Variants in NFIB observed in about 807,000 individuals in gnomAD.
NFIB encodes nuclear factor I B.
A neutral mutation model predicts 61.5 loss-of-function variants in NFIB; 11 were observed. The observed-to-expected ratio is 0.18, with a 90% confidence interval of 0.11 to 0.30. The LOEUF (loss-of-function observed/expected upper bound fraction) is 0.30. Among genes scored for constraint, NFIB ranks in the 10% least tolerant of loss-of-function variants. The probability of loss-of-function intolerance (pLI) is 1.00; values close to 1 mark genes in which losing one functional copy is unlikely to be tolerated. For synonymous variants in NFIB, 260 were observed against 216.5 expected (o/e 1.20, Z -1.76); for missense variants, 471 against 608.9 (o/e 0.77, Z 2.38).
At chr9:14,477,959 C>T in the NFIB span, among the ~76,000 whole-genome samples, 1 of 151,954 alleles carries the variant, frequency 6.6e-6, no homozygotes, top group Non-Finnish European at 1.5e-5. Flanking sequence ...CTTGAACCAC[C>T]CCACCCCCCA....
rs992215250 is a variant in NFIB, at chr9:14,152,746, G to C, written c.686-2481C>G. 1.1e-4 allele frequency among the ~76,000 whole-genome samples: 16 copies of C among 151,796 alleles called. No individual in the cohort carries two copies. The East Asian group carries it at 2.5e-3, about 24-fold the overall frequency. On this transcript the variant is annotated intron_variant, in intron 4 of 10. Transcript: ENST00000380953. ...CAGAAATTGTTTTTTTCTAAATTTTGTTCCAGAAAGATTATTCCGCAGTGT... is the reference window on the plus strand; with the variant it reads ...CAGAAATTGTTTTTTTCTAAATTTTCTTCCAGAAAGATTATTCCGCAGTGT...
intron 2 of NFIB, among the ~76,000 whole-genome samples, chr9:14,225,816 C>T (rs2052331745): frequency 6.6e-6 from 1 of 152,046 alleles, no homozygotes; most frequent in South Asian, 2.1e-4. Context: ...ATTTAAAGAT[C>T]CAAGCCAAAT....
At chr9:14,394,654 G>T (rs1216864193) in intron 1 of NFIB, among the ~76,000 whole-genome samples, 1 of 152,186 alleles carries the variant, frequency 6.6e-6, no homozygotes, top group Non-Finnish European at 1.5e-5. Context: ...TGAGATTTGG[G>T]TGGGGACACA....
At chr9:14,113,824 T>C (rs1268000066) in intron 9 of NFIB, among the ~76,000 whole-genome samples, 1 of 152,196 alleles carries the variant, frequency 6.6e-6, no homozygotes, top group Admixed American at 6.5e-5. Context: ...ATTCCTTACA[T>C]TGTTATAGTC....
At chr9:14,226,065 G>A (rs1204456976) in intron 2 of NFIB, among the ~76,000 whole-genome samples, 3 of 151,234 alleles carry the variant, frequency 2.0e-5, no homozygotes, top group Admixed American at 2.0e-4. Flanking sequence ...TAATTGGGAA[G>A]GTATGTACTA....
intron 2 of NFIB, among the ~76,000 whole-genome samples, chr9:14,298,013 A>G (rs2059542623): frequency 6.6e-6 from 1 of 152,204 alleles, no homozygotes; most frequent in African/African-American, 2.4e-5. Context: ...TAAAATAAAT[A>G]GTTATTTTTA....
intron 10 of NFIB, among the ~76,000 whole-genome samples, chr9:14,102,828 A>G (rs2035976430): frequency 6.6e-6 from 1 of 152,218 alleles, no homozygotes; most frequent in African/African-American, 2.4e-5. Flanking sequence ...AATGTTCAAT[A>G]GAGAGATATA....
chr9:14,421,419 G>A, the NFIB span, among the ~76,000 whole-genome samples: 1 of 152,182 alleles, frequency 6.6e-6, no homozygotes, highest in East Asian at 1.9e-4. Context: ...GAGTGTATAT[G>A]TTCTTTCATA....
intron 2 of NFIB, among the ~76,000 whole-genome samples, chr9:14,221,651 C>A (rs2051690565): frequency 6.6e-6 from 1 of 152,174 alleles, no homozygotes. Context: ...CATGTCCTCT[C>A]CATAACTTAT....
At chr9:14,201,766 G>C (rs750952691) in intron 2 of NFIB, among the ~76,000 whole-genome samples, 4 of 151,312 alleles carry the variant, frequency 2.6e-5, no homozygotes, top group Non-Finnish European at 5.9e-5. Flanking sequence ...CTGAGACAAA[G>C]AGCATTAATT....
intron 10 of NFIB, among the ~76,000 whole-genome samples, chr9:14,091,184 T>C (rs1289246185): frequency 3.9e-5 from 6 of 152,016 alleles, no homozygotes; most frequent in African/African-American, 1.2e-4. Flanking sequence ...TTTACAAGTC[T>C]CTTATTGCCA....
Position 14,314,009 on chromosome 9 carries a change from ATG to A in NFIB, c.-500_-499del. The A allele has an allele frequency of 3.8e-6, 4 of 1,063,018 alleles. No homozygotes were observed. Among genetic ancestry groups the A allele is most frequent in the Non-Finnish European group, 4.5e-6 (4 of 880,228 alleles). 65.8% of individuals were successfully genotyped at this position (1,063,018 alleles called of 1,614,324 possible). On this transcript the variant is annotated 5_prime_UTR_variant, in exon 1 of 11. Transcript: ENST00000380953. Reference sequence around the variant, plus strand: ...GCGGGCGGGAGGGAGAGCGGGGAGAATGTGTCACCGCGCTGGGAAAGTTCAAG... The same window carrying A: ...GCGGGCGGGAGGGAGAGCGGGGAGAATGTCACCGCGCTGGGAAAGTTCAAG...
upstream of NFIB, among the ~76,000 whole-genome samples, chr9:14,315,003 C>A (rs1234243072): frequency 6.6e-6 from 1 of 152,068 alleles, no homozygotes; most frequent in Non-Finnish European, 1.5e-5. Context: ...CCAGGCCGCC[C>A]CCAGGCCGGG....
intron 1 of NFIB, among the ~76,000 whole-genome samples, chr9:14,386,734 G>T (rs1192062425): frequency 6.6e-6 from 1 of 152,170 alleles, no homozygotes; most frequent in Admixed American, 6.5e-5. Flanking sequence ...TTATTAGATT[G>T]TATAGACAAA....
chr9:14,232,129 G>A lies in NFIB; in HGVS notation c.563-52349C>T, dbSNP rs80042917. Among the ~76,000 whole-genome samples the A allele has an allele frequency of 1.8e-3, 278 of 152,240 alleles. 2 individuals carry two copies. The highest frequency in any genetic ancestry group is 6.4e-3 in the African/African-American group (266 of 41,546). On this transcript the variant is annotated intron_variant, in intron 2 of 10. Transcript: ENST00000380953. ...ATTTTTAATGAGTTAAAGGTGTAGC[G>A]AGGGAAGGAGCGACACCATGGCTAG... is the stretch of plus-strand genomic sequence containing the variant.
chr9:14,296,627 AAGG>A (rs1386810767), intron 2 of NFIB, among the ~76,000 whole-genome samples: 4 of 152,220 alleles, frequency 2.6e-5, no homozygotes, highest in Admixed American at 1.3e-4. Flanking sequence ...GTACGGAAAC[AAGG>A]AGAAGTTGGC....
chr9:14,376,580 G>T (rs1425215321), intron 1 of NFIB, among the ~76,000 whole-genome samples: 3 of 149,102 alleles, frequency 2.0e-5, no homozygotes, highest in Non-Finnish European at 4.4e-5. Context: ...GCAGTGGCAT[G>T]ATCTCTGCTC....
At chr9:14,228,178 A>C (rs1305458659) in intron 2 of NFIB, among the ~76,000 whole-genome samples, 1 of 150,232 alleles carries the variant, frequency 6.7e-6, no homozygotes. Context: ...AGATTATTGA[A>C]ATAATAAACT....
intron 2 of NFIB, among the ~76,000 whole-genome samples, chr9:14,258,181 A>G (rs1220622272): frequency 6.6e-6 from 1 of 152,156 alleles, no homozygotes; most frequent in Admixed American, 6.5e-5. Context: ...ATTCAGATCT[A>G]CCACAGTTTT....
Sources: allele counts gnomAD v4.1 joint callset (sites outside exome capture counted in the v4.1 genomes callset), GRCh38; gene constraint gnomAD v4.1.1; transcripts MANE v1.5; gene names NCBI Gene and HGNC (gene_info 2026-07-23, HGNC 2026-07-21).